The following MET variants were observed in gnomAD, a reference collection of about 807,000 sequenced individuals.
MET encodes the protein hepatocyte growth factor receptor.
A neutral mutation model predicts 133.1 loss-of-function variants in MET; 48 were observed. The observed-to-expected ratio is 0.36, with a 90% CI of 0.29 to 0.46. The LOEUF (loss-of-function observed/expected upper bound fraction) is 0.46. Ranked by LOEUF, MET falls within the 20% of genes least tolerant of loss-of-function variation. MET has a pLI of 1.00. For synonymous variants in MET, 628 were observed against 616.5 expected, an observed-to-expected ratio of 1.02 and a Z score of -0.28; for missense variants, 1,442 against 1,695.9, an observed-to-expected ratio of 0.85 and a Z score of 2.63.
intron 2 of MET, among the ~76,000 whole-genome samples, chr7:116,706,126 A>C (rs1791781974): frequency 6.6e-6 from 1 of 152,024 alleles, no homozygotes; most frequent in Non-Finnish European, 1.5e-5. Context: ...TGTCACCAAA[A>C]CTGTGGGTAG....
Position 116,699,386 on chromosome 7 carries a change from G to A in MET, c.302G>A (p.Cys101Tyr), listed in dbSNP as rs1791473684. 4 of 1,613,902 alleles carry A rather than the reference G, an allele frequency of 2.5e-6. No individual in the cohort carries two copies. The highest frequency in any genetic ancestry group is 2.5e-6 in the Non-Finnish European group (3 of 1,179,952). Residue 101 changes from cysteine (C) to tyrosine (Y), a missense_variant, in exon 2 of 21, where the codon TGC (cysteine) becomes TAC (tyrosine). By Grantham distance (194) the Cys-to-Tyr change is radical. Coordinates refer to ENST00000397752, the MANE Select transcript of MET (RefSeq NM_000245.4). Reference sequence around the variant, plus strand: ...CCAGATTGTTTCCCATGTCAGGACTGCAGCAGCAAAGCCAATTTATCAGGA... The same window carrying A: ...CCAGATTGTTTCCCATGTCAGGACTACAGCAGCAAAGCCAATTTATCAGGA... ...EHPDCFPCQD[C>Y]SSKANLSGGV...
rs398123569 is a variant in MET, at chr7:116,775,069, C to T, written c.3217C>T (p.Pro1073Ser). 9.3e-5 allele frequency: 150 copies of T among 1,614,154 alleles called. 1 individual carries two copies. The South Asian group carries it at 1.4e-3, about 16-fold the overall frequency. Residue 1073 changes from proline to serine, a missense_variant, in exon 15 of 21, where the codon CCC (proline) becomes TCC (serine). Physicochemically the swap from Pro to Ser is moderately conservative, Grantham distance 74. Coordinates refer to ENST00000397752, the MANE Select transcript of MET (RefSeq NM_000245.4). ...GGCAGTGCAGCATGTAGTGATTGGG[C>T]CCAGTAGCCTGATTGTGCATTTCAA... ...VQAVQHVVIG[P>S]SSLIVHFNEV... is the part of the protein sequence containing the mutation.
At chr7:116,765,761 C>T (rs1794603816) in intron 11 of MET, among the ~76,000 whole-genome samples, 1 of 152,130 alleles carries the variant, frequency 6.6e-6, no homozygotes, top group Non-Finnish European at 1.5e-5. Flanking sequence ...TGTACTTTGG[C>T]ATATTTTATT....
chr7:116,725,465 CATATATAT>C (rs71314626), intron 2 of MET, among the ~76,000 whole-genome samples: 1 of 144,916 alleles, frequency 6.9e-6, no homozygotes, highest in Non-Finnish European at 1.5e-5. Context: ...TTATGATATA[CATATATAT>C]ATATATATAT....
intron 1 of MET, among the ~76,000 whole-genome samples, chr7:116,691,445 G>T (rs1796775845): frequency 6.6e-6 from 1 of 152,188 alleles, no homozygotes; most frequent in Non-Finnish European, 1.5e-5. Context: ...ACTCAAGTTT[G>T]TAGTATTGTC....
Position 116,771,921 on chromosome 7 carries a change from G to A in MET, c.2960G>A (p.Arg987Gln), listed in dbSNP as rs910937816. ...CATTTGGATAGGCTTGTAAGTGCCC[G>A]AAGTGTAAGCCCAACTACAGAAATG... ...TPHLDRLVSA[R>Q]SVSPTTEMVS... Residue 987 changes from arginine (R) to glutamine (Q), a missense_variant, in exon 14 of 21, where the codon CGA (arginine) becomes CAA (glutamine). Arg to Gln is a conservative substitution (Grantham distance 43). Around this residue, in one of 6 missense-constraint regions of MET, gnomAD observed 514 missense variants for 659.6 expected, o/e 0.78. Coordinates refer to ENST00000397752, the MANE Select transcript of MET (RefSeq NM_000245.4). 8 of 1,613,882 alleles carry A rather than the reference G, an allele frequency of 5.0e-6. No homozygotes were observed. The highest frequency in any genetic ancestry group is 2.2e-5 in the South Asian group (2 of 91,068).
chr7:116,785,505 T>C (rs1453772877), intron 19 of MET, among the ~76,000 whole-genome samples: 2 of 151,924 alleles, frequency 1.3e-5, no homozygotes, highest in Non-Finnish European at 2.9e-5. Context: ...AACAACCAGA[T>C]CTCCGTAGAA....
At chr7:116,701,675 A>C (rs1791587814) in intron 2 of MET, among the ~76,000 whole-genome samples, 1 of 152,178 alleles carries the variant, frequency 6.6e-6, no homozygotes, top group Non-Finnish European at 1.5e-5. Flanking sequence ...CAAAGAAGCA[A>C]TAGAATTCCT....
At chr7:116,783,569 C>A in intron 19 of MET, 100 bp downstream of exon 19, 1 of 1,200,622 alleles carries the variant, frequency 8.3e-7, no homozygotes, top group Non-Finnish European at 1.2e-6. Context: ...AATTCAACAC[C>A]ACCAATTCCA....
In MET at chr7:116,795,667, G is replaced by T. The variant is rs751186512; in HGVS notation, c.3811G>T (p.Val1271Leu). 1 of 1,613,646 alleles carries T rather than the reference G, an allele frequency of 6.2e-7. No homozygotes were observed. The highest frequency in any genetic ancestry group is 8.5e-7 in the Non-Finnish European group (1 of 1,180,000). Residue 1271 changes from valine to leucine, a missense_variant, in exon 20 of 21, where the codon GTG becomes TTG. Physicochemically the swap from Val to Leu is conservative, Grantham distance 32. Around this residue, in one of 6 missense-constraint regions of MET, gnomAD observed 32 missense variants for 72.4 expected, o/e 0.44. Transcript: ENST00000397752. ...TTKSDVWSFGVLLWELMTRGA... is the reference protein window; with the variant it reads ...TTKSDVWSFGLLLWELMTRGA... The stretch of plus-strand genomic sequence containing the variant: ...CTTGTTTTACTAGTGGTCCTTTGGC[G>T]TGCTCCTCTGGGAGCTGATGACAAG...
intron 19 of MET, among the ~76,000 whole-genome samples, chr7:116,791,237 G>A (rs1326688135): frequency 1.3e-5 from 2 of 152,138 alleles, no homozygotes; most frequent in African/African-American, 2.4e-5. Context: ...TAACTGGGTT[G>A]TAAGATAAGT....
At chr7:116,710,912 T>C (rs949334018) in intron 2 of MET, among the ~76,000 whole-genome samples, 2 of 152,208 alleles carry the variant, frequency 1.3e-5, no homozygotes, top group Non-Finnish European at 2.9e-5. Flanking sequence ...TCTTTAGATA[T>C]GAAAGCTTCC....
chr7:116,754,983 G>GGAAAGAAAGAAAGAAAGGAAGAAA (rs1794104598), intron 5 of MET, among the ~76,000 whole-genome samples: 1 of 78,632 alleles, frequency 1.3e-5, no homozygotes, highest in Non-Finnish European at 2.6e-5. Context: ...AGCAGAGAAA[G>GGAAAGAAAGAAAGAAAGGAAGAAA]GAAAGAAAGA....
chr7:116,712,564 G>A (rs895827393), intron 2 of MET, among the ~76,000 whole-genome samples: 1 of 152,102 alleles, frequency 6.6e-6, no homozygotes, highest in Non-Finnish European at 1.5e-5. Context: ...TAATTATTTA[G>A]ATAAAACAGT....
intron 11 of MET, among the ~76,000 whole-genome samples, chr7:116,766,377 A>G (rs1049754538): frequency 3.3e-5 from 5 of 152,214 alleles, no homozygotes; most frequent in Admixed American, 2.0e-4. Context: ...GACTTGGTCT[A>G]TGACACTGTC....
chr7:116,756,208 G>A (rs544880662), intron 6 of MET, among the ~76,000 whole-genome samples: 10 of 152,160 alleles, frequency 6.6e-5, no homozygotes, highest in South Asian at 2.1e-4. Context: ...CAAGACCCGT[G>A]CTAGTTCTAC....
intron 1 of MET, among the ~76,000 whole-genome samples, chr7:116,690,227 G>A (rs545801291): frequency 1.3e-5 from 2 of 152,270 alleles, no homozygotes; most frequent in East Asian, 3.9e-4. Context: ...CTGCATAACT[G>A]AAGGACAGTG....
At chr7:116,753,356 C>T (rs1324604905) in intron 5 of MET, among the ~76,000 whole-genome samples, 1 of 152,200 alleles carries the variant, frequency 6.6e-6, no homozygotes, top group Non-Finnish European at 1.5e-5. Flanking sequence ...TCCCCACCCC[C>T]AAAAGAGCAT....
chr7:116,748,581 A>G (rs760838791), intron 5 of MET, among the ~76,000 whole-genome samples: 6 of 152,206 alleles, frequency 3.9e-5, no homozygotes, highest in Non-Finnish European at 8.8e-5. Context: ...AAGCAAGAGC[A>G]AACAAATTCA....
Sources: gnomAD v4.1 joint callset for allele counts (sites outside exome capture counted in the v4.1 genomes callset) on GRCh38, gnomAD v4.1.1 for gene constraint, gnomAD v4.1.1 regional missense constraint, MANE v1.5 for transcripts, NCBI Gene and HGNC (gene_info 2026-07-23, HGNC 2026-07-21) for gene names.